The following TRAPPC9 variants were observed in gnomAD, a reference collection of about 807,000 sequenced individuals.
TRAPPC9 encodes trafficking protein particle complex subunit 9, also known as IKK2 binding protein.
In TRAPPC9, 83 loss-of-function variants were observed where a neutral mutation model predicts 124.0. That is an observed-to-expected ratio of 0.67 (90% confidence interval 0.56 to 0.80). The LOEUF (loss-of-function observed/expected upper bound fraction) is 0.80. Ranked by LOEUF, TRAPPC9 falls within the 30% of genes least tolerant of loss-of-function variation. The probability of loss-of-function intolerance (pLI) is 0.00; values close to 1 mark genes in which losing one functional copy is unlikely to be tolerated. For missense variants in TRAPPC9, 1,302 were observed against 1,508.3 expected, an observed-to-expected ratio of 0.86 and a Z score of 2.27; for synonymous variants, 638 against 617.5, an observed-to-expected ratio of 1.03 and a Z score of -0.49.
At chr8:139,913,090 G>A (rs1831856690) in intron 19 of TRAPPC9, among the ~76,000 whole-genome samples, 1 of 152,194 alleles carries the variant, frequency 6.6e-6, no homozygotes. Flanking sequence ...AGCACACGCT[G>A]GATGCTGCGG....
intron 5 of TRAPPC9, among the ~76,000 whole-genome samples, chr8:140,425,850 C>T (rs1281486953): frequency 6.6e-5 from 10 of 152,198 alleles, no homozygotes; most frequent in Non-Finnish European, 1.2e-4. Flanking sequence ...CCTTTCTCTA[C>T]ACATTCCACA....
chr8:139,841,928 C>T (rs1021041460), intron 21 of TRAPPC9, among the ~76,000 whole-genome samples: 1 of 152,202 alleles, frequency 6.6e-6, no homozygotes, highest in Non-Finnish European at 1.5e-5. Context: ...CTAGACAGGG[C>T]AGGAGGGAAG....
chr8:139,799,798 C>T (rs925132447), intron 21 of TRAPPC9, among the ~76,000 whole-genome samples: 7 of 152,232 alleles, frequency 4.6e-5, no homozygotes, highest in Admixed American at 3.9e-4. Context: ...TGCAGTCCCA[C>T]GGGCTGGGGC....
chr8:140,222,021 T>C (rs1312819521), intron 16 of TRAPPC9, among the ~76,000 whole-genome samples: 2 of 152,136 alleles, frequency 1.3e-5, no homozygotes, highest in East Asian at 3.9e-4. Context: ...TGAGAGTGCA[T>C]CAGTCCTTAA....
intron 9 of TRAPPC9, among the ~76,000 whole-genome samples, chr8:140,350,635 C>A (rs1411477010): frequency 6.6e-6 from 1 of 152,000 alleles, no homozygotes; most frequent in Non-Finnish European, 1.5e-5. Flanking sequence ...ACGGTGGTCT[C>A]CTGGAGAAGA....
chr8:139,886,016 A>G, intron 20 of TRAPPC9, 47 bp from the exon 21 acceptor site: 1 of 1,523,598 alleles, frequency 6.6e-7, no homozygotes, highest in Non-Finnish European at 8.9e-7. Flanking sequence ...GCCCAGGGAC[A>G]GAAGAACGTC....
Position 140,393,629 on chromosome 8 carries a change from G to A in TRAPPC9, c.1134+3991C>T, listed in dbSNP as rs528310540. ...CCAGATGTATTATTTATCAGTTTTT[G>A]TATTTGCACAGGGATTCTTAAAGCA... On this transcript the variant is annotated intron_variant, in intron 7 of 22. Transcript: ENST00000438773. Among the ~76,000 whole-genome samples, 7 of 152,114 alleles carry A rather than the reference G, an allele frequency of 4.6e-5. No individual in the cohort carries two copies. The South Asian group carries it at 1.5e-3, about 32-fold the overall frequency.
chr8:140,218,905 A>C (rs2063266263), intron 17 of TRAPPC9, among the ~76,000 whole-genome samples: 1 of 152,130 alleles, frequency 6.6e-6, no homozygotes, highest in African/African-American at 2.4e-5. Context: ...GACTTCAGTG[A>C]GCCGAGATCG....
At chr8:140,291,559 A>G (rs1166362636) in intron 11 of TRAPPC9, among the ~76,000 whole-genome samples, 1 of 152,132 alleles carries the variant, frequency 6.6e-6, no homozygotes, top group Non-Finnish European at 1.5e-5. Context: ...AATTCTGACG[A>G]CCTCCAAAAC....
intron 21 of TRAPPC9, among the ~76,000 whole-genome samples, chr8:139,874,916 C>T (rs550036375): frequency 3.2e-4 from 49 of 152,308 alleles, no homozygotes; most frequent in African/African-American, 1.1e-3. Flanking sequence ...GGACCAGTCA[C>T]AAAGCCTCTC....
rs774712536 is a variant in TRAPPC9, at chr8:140,360,062, A to G, written c.1483T>C (p.Leu495=). The G allele has an allele frequency of 1.2e-6, 2 of 1,614,106 alleles. No individual in the cohort carries two copies. The part of the protein sequence containing the change: ...SFLLQTMLDF[L]SDQEKKDVAQ... ...TGAGCTCACTCACCCTGATCCGACA[A>G]GAAGTCCAGCATGGTCTGTAGAAGG... Residue 495 remains leucine, a synonymous_variant, in exon 9 of 23, where the codon TTG becomes CTG. Coordinates refer to ENST00000438773, the MANE Select transcript of TRAPPC9 (RefSeq NM_001160372.4).
intron 19 of TRAPPC9, among the ~76,000 whole-genome samples, chr8:139,962,236 T>G (rs1444694946): frequency 8.0e-6 from 1 of 124,564 alleles, no homozygotes; most frequent in African/African-American, 2.5e-5. Context: ...AAGGCACCAC[T>G]GGCCGCAGAG....
intron 12 of TRAPPC9, among the ~76,000 whole-genome samples, chr8:140,289,170 A>AGTG (rs1406179556): frequency 7.3e-6 from 1 of 136,264 alleles, no homozygotes; most frequent in African/African-American, 2.9e-5. Flanking sequence ...TTAGATATAT[A>AGTG]TATAGTGTGT....
At chr8:140,457,882 G>T, upstream of TRAPPC9, 1 of 763,020 alleles carries the variant, frequency 1.3e-6, no homozygotes. Flanking sequence ...GAGCGAGGGA[G>T]AGAAGAGGGG....
intron 19 of TRAPPC9, among the ~76,000 whole-genome samples, chr8:139,975,981 C>G (rs537645223): frequency 6.7e-6 from 1 of 149,940 alleles, no homozygotes; most frequent in East Asian, 2.0e-4. Flanking sequence ...GCTTCACCCC[C>G]CCGGGGTTCA....
At chr8:140,185,516 C>G (rs1367279904) in intron 17 of TRAPPC9, among the ~76,000 whole-genome samples, 1 of 152,230 alleles carries the variant, frequency 6.6e-6, no homozygotes, top group East Asian at 1.9e-4. Context: ...CCTTGCTGTT[C>G]TACCTACCCC....
At position 140,061,492 on chromosome 8, in the gene TRAPPC9, G is replaced by T. The variant is rs117268330; in HGVS notation, c.2557-37413C>A. 1.7e-4 allele frequency among the ~76,000 whole-genome samples: 26 copies of T among 152,292 alleles called. No homozygotes were observed. In the East Asian group the frequency reaches 4.8e-3, roughly 28 times the overall value. ...AGCAGAGAAGCAAGCACAGGCCACGGCACAGTGAGTACAGAGCCATGTCCG... is the reference window on the plus strand; with the variant it reads ...AGCAGAGAAGCAAGCACAGGCCACGTCACAGTGAGTACAGAGCCATGTCCG... On this transcript the variant is annotated intron_variant, in intron 17 of 22. Transcript: ENST00000438773.
At chr8:140,066,033 T>A (rs964516107) in intron 17 of TRAPPC9, among the ~76,000 whole-genome samples, 1 of 152,200 alleles carries the variant, frequency 6.6e-6, no homozygotes, top group Non-Finnish European at 1.5e-5. Flanking sequence ...CCATGCTAGA[T>A]GCCAGTAAGA....
At chr8:140,422,628 T>C (rs1435171456) in intron 5 of TRAPPC9, among the ~76,000 whole-genome samples, 1 of 151,208 alleles carries the variant, frequency 6.6e-6, no homozygotes, top group Non-Finnish European at 1.5e-5. Flanking sequence ...GTGGCATGTG[T>C]CTATAATCCC....
Sources: allele counts gnomAD v4.1 joint callset (sites outside exome capture counted in the v4.1 genomes callset), GRCh38; gene constraint gnomAD v4.1.1; transcripts MANE v1.5; gene names NCBI Gene and HGNC (gene_info 2026-07-23, HGNC 2026-07-21).